The following CNOT2 variants were observed in gnomAD, a reference collection of about 807,000 sequenced individuals.
CNOT2 encodes CC chemokine receptor 4-negative regulator of transcription 2.
A neutral mutation model predicts 72.1 loss-of-function variants in CNOT2; 7 were observed. The observed-to-expected ratio is 0.10, with a 90% CI of 0.06 to 0.18. The LOEUF (loss-of-function observed/expected upper bound fraction) is 0.18. Ranked by LOEUF, CNOT2 falls within the 10% of genes least tolerant of loss-of-function variation. The pLI is 1.00. For synonymous variants in CNOT2, 196 were observed against 225.6 expected (o/e 0.87, Z 1.17); for missense variants, 345 against 660.3 (o/e 0.52, Z 5.23).
At chr12:70,250,837 A>G (rs2030671) in intron 1 of CNOT2, among the ~76,000 whole-genome samples, 9,350 of 152,202 alleles carry the variant, frequency 0.061, 443 homozygotes, top group East Asian at 0.16. Flanking sequence ...GGTAAGCTCT[A>G]AAGGGGAGAA....
chr12:70,329,006 A>T (rs1422757815), intron 4 of CNOT2, among the ~76,000 whole-genome samples: 1 of 151,946 alleles, frequency 6.6e-6, no homozygotes, highest in African/African-American at 2.4e-5. Context: ...GCGGGGTTAA[A>T]TGTCTTTCTG....
Position 70,341,906 on chromosome 12 carries a change from G to C in CNOT2, c.1179-201G>C, listed in dbSNP as rs964174719. On this transcript the variant is annotated intron_variant, in intron 11 of 15. Coordinates refer to ENST00000229195, the MANE Select transcript of CNOT2 (RefSeq NM_014515.7). ...TATACTGTATTGCAAGAATACTGAG[G>C]GAAGGAGTCCTATCATATTTTACAG... 3 of 602,012 alleles carry C rather than the reference G, an allele frequency of 5.0e-6. No individual in the cohort carries two copies. In the African/African-American group the frequency reaches 5.6e-5, roughly 11 times the overall value. The allele number at this position is 602,012 out of a possible 1,614,324, so 37.3% of individuals were successfully genotyped here.
intron 1 of CNOT2, among the ~76,000 whole-genome samples, chr12:70,266,829 A>G (rs576426329): frequency 1.3e-5 from 2 of 151,788 alleles, no homozygotes; most frequent in East Asian, 1.9e-4. Context: ...TCCTGTAGAC[A>G]GCATATAGTC....
intron 15 of CNOT2, among the ~76,000 whole-genome samples, chr12:70,352,233 A>C (rs1405637663): frequency 1.1e-5 from 1 of 92,666 alleles, no homozygotes. Flanking sequence ...TCTGGATCCT[A>C]ATGCTAGGTG....
intron 1 of CNOT2, 61 bp from the exon 2 acceptor site, chr12:70,278,071 G>T: frequency 1.9e-6 from 1 of 521,524 alleles, no homozygotes; most frequent in Non-Finnish European, 3.5e-6. Context: ...GAATATTTTT[G>T]CTGCTGTTGA....
At chr12:70,344,341 AT>A (rs1881893971) in intron 14 of CNOT2, 113 bp downstream of exon 14, 1 of 648,376 alleles carries the variant, frequency 1.5e-6, no homozygotes, top group African/African-American at 1.9e-5. Flanking sequence ...CCATCAAGAA[AT>A]TTATTTTTAC....
intron 3 of CNOT2, among the ~76,000 whole-genome samples, chr12:70,318,703 ATGGCTCATGTCTTATT>A: frequency 6.6e-6 from 1 of 151,878 alleles, no homozygotes; most frequent in East Asian, 1.9e-4. Flanking sequence ...CCTTGATGAC[ATGGCTCATGTCTTATT>A]TAATTAGGAT....
At chr12:70,275,436 C>A (rs568087340) in intron 1 of CNOT2, among the ~76,000 whole-genome samples, 1 of 152,062 alleles carries the variant, frequency 6.6e-6, no homozygotes, top group South Asian at 2.1e-4. Flanking sequence ...AGTTTCCCCT[C>A]CTTGTGCTTC....
intron 3 of CNOT2, among the ~76,000 whole-genome samples, chr12:70,317,183 G>A (rs956601879): frequency 6.6e-6 from 1 of 151,974 alleles, no homozygotes; most frequent in African/African-American, 2.4e-5. Flanking sequence ...AAGATATCAA[G>A]CATTATTTGG....
intron 5 of CNOT2, 99 bp from the exon 6 acceptor site, chr12:70,330,188 T>C: frequency 1.1e-5 from 6 of 565,822 alleles, no homozygotes; most frequent in Non-Finnish European, 1.9e-5. Flanking sequence ...AATTTGAAAG[T>C]ATATTTGAGA....
chr12:70,276,320 G>A (rs1445124391), intron 1 of CNOT2, among the ~76,000 whole-genome samples: 1 of 151,766 alleles, frequency 6.6e-6, no homozygotes, highest in Admixed American at 6.6e-5. Context: ...ACATTCTTTT[G>A]CTGACATTAA....
intron 15 of CNOT2, among the ~76,000 whole-genome samples, 156 bp from the exon 16 acceptor site, chr12:70,353,673 A>G (rs192732957): frequency 3.3e-5 from 5 of 152,142 alleles, no homozygotes; most frequent in African/African-American, 1.2e-4. Flanking sequence ...TTTTTCTTCA[A>G]GCTGTATTTT....
chr12:70,277,660 C>T (rs1357436496), intron 1 of CNOT2, among the ~76,000 whole-genome samples: 9 of 152,108 alleles, frequency 5.9e-5, no homozygotes, highest in Non-Finnish European at 1.3e-4. Flanking sequence ...GGGAATAAAC[C>T]TACACAGAAT....
chr12:70,262,027 A>G (rs1958795064), intron 1 of CNOT2, among the ~76,000 whole-genome samples: 2 of 151,944 alleles, frequency 1.3e-5, no homozygotes, highest in Admixed American at 6.5e-5. Context: ...GATCCTTGTT[A>G]TGCCTACCCT....
chr12:70,278,920 A>G (rs983835094), intron 2 of CNOT2, among the ~76,000 whole-genome samples: 1 of 152,246 alleles, frequency 6.6e-6, no homozygotes, highest in Non-Finnish European at 1.5e-5. Flanking sequence ...AGATTGTGCT[A>G]TTAAACAGTG....
intron 4 of CNOT2, 152 bp downstream of exon 4, chr12:70,319,516 G>A (rs1339671056): frequency 1.3e-5 from 9 of 679,954 alleles, no homozygotes; most frequent in Non-Finnish European, 2.2e-5. Flanking sequence ...TACTTACATA[G>A]CAAAACCTCA....
chr12:70,259,909 A>AT (rs1958667418), intron 1 of CNOT2, among the ~76,000 whole-genome samples: 1 of 152,192 alleles, frequency 6.6e-6, no homozygotes, highest in Non-Finnish European at 1.5e-5. Flanking sequence ...GGAGCTCAGT[A>AT]TTTGTTAAAA....
intron 2 of CNOT2, among the ~76,000 whole-genome samples, chr12:70,310,122 T>C (rs1422724085): frequency 3.9e-5 from 6 of 152,094 alleles, no homozygotes; most frequent in African/African-American, 1.4e-4. Flanking sequence ...GTGTAGGTTA[T>C]ATGCAAATAT....
intron 15 of CNOT2, among the ~76,000 whole-genome samples, chr12:70,353,536 CTTTT>C (rs1258530385): frequency 6.6e-6 from 1 of 152,028 alleles, no homozygotes; most frequent in African/African-American, 2.4e-5. Flanking sequence ...ATTGCCCCCT[CTTTT>C]TTTAAGTTAA....
Sources: allele counts gnomAD v4.1 joint callset (sites outside exome capture counted in the v4.1 genomes callset), GRCh38; gene constraint gnomAD v4.1.1; transcripts MANE v1.5; gene names NCBI Gene and HGNC (gene_info 2026-07-23, HGNC 2026-07-21).